NXPH1: variants seen among roughly 807,000 people sequenced by gnomAD.
NXPH1 encodes neurexophilin-1.
Under a neutral mutation model 23.7 loss-of-function variants are expected in NXPH1, and 5 were observed. The ratio of observed to expected loss-of-function variants is 0.21; its 90% CI spans 0.11 to 0.44. The LOEUF (loss-of-function observed/expected upper bound fraction) is 0.44. Ranked by LOEUF, NXPH1 falls within the 20% of genes least tolerant of loss-of-function variation. NXPH1 has a pLI of 0.99. For synonymous variants in NXPH1, 144 were observed against 122.2 expected, an observed-to-expected ratio of 1.18 and a Z score of -1.18; for missense variants, 324 against 321.6, an observed-to-expected ratio of 1.01 and a Z score of -0.06.
intron 2 of NXPH1, among the ~76,000 whole-genome samples, chr7:8,453,280 C>T (rs1021743410): frequency 1.3e-5 from 2 of 152,086 alleles, no homozygotes; most frequent in Non-Finnish European, 2.9e-5. Flanking sequence ...GCGATCTTGC[C>T]TTCTTAGTCA....
chr7:8,607,369 G>A (rs1019687878), intron 2 of NXPH1, among the ~76,000 whole-genome samples: 1 of 152,076 alleles, frequency 6.6e-6, no homozygotes, highest in East Asian at 1.9e-4. Context: ...TTCTTGGATC[G>A]TGTCACTCGA....
intron 2 of NXPH1, among the ~76,000 whole-genome samples, chr7:8,735,349 G>T (rs1348851409): frequency 6.6e-6 from 1 of 152,160 alleles, no homozygotes; most frequent in Non-Finnish European, 1.5e-5. Flanking sequence ...TTTCTAGCAT[G>T]AAGGGTTGAG....
chr7:8,697,066 G>A (rs1274745829), intron 2 of NXPH1, among the ~76,000 whole-genome samples: 2 of 150,056 alleles, frequency 1.3e-5, no homozygotes, highest in African/African-American at 4.9e-5. Flanking sequence ...GCTAAGGCAG[G>A]AGAATCACTT....
chr7:8,540,038 C>G (rs1415418175), intron 2 of NXPH1, among the ~76,000 whole-genome samples: 1 of 151,750 alleles, frequency 6.6e-6, no homozygotes, highest in Non-Finnish European at 1.5e-5. Context: ...TTGTTGTATA[C>G]TTTTTGGAAA....
chr7:8,656,087 T>C (rs1244601970), intron 2 of NXPH1, among the ~76,000 whole-genome samples: 2 of 152,234 alleles, frequency 1.3e-5, no homozygotes, highest in Admixed American at 1.3e-4. Context: ...ATTGAATGAA[T>C]GATCTTCATC....
At position 8,532,714 on chromosome 7, in the gene NXPH1, C is replaced by T. The variant is rs1381682764; in HGVS notation, c.54+96947C>T. ...GATTATGCTGGTGGTGGTCCTCAGACCGTAGCGTCATTTGCGCCCTGGGTG... is the reference window on the plus strand; with the variant it reads ...GATTATGCTGGTGGTGGTCCTCAGATCGTAGCGTCATTTGCGCCCTGGGTG... On this transcript the variant is annotated intron_variant, in intron 2 of 2. Coordinates refer to ENST00000405863, the MANE Select transcript of NXPH1 (RefSeq NM_152745.3). Among the ~76,000 whole-genome samples the T allele has an allele frequency of 2.0e-5, 3 of 152,090 alleles. No homozygotes were observed. In the East Asian group the frequency reaches 5.8e-4, roughly 29 times the overall value.
intron 2 of NXPH1, among the ~76,000 whole-genome samples, chr7:8,744,002 A>G (rs966153662): frequency 5.3e-5 from 8 of 152,234 alleles, no homozygotes; most frequent in African/African-American, 1.7e-4. Flanking sequence ...GCAACTCTTC[A>G]TGTGCTCACA....
At chr7:8,469,841 A>C (rs891149842) in intron 2 of NXPH1, among the ~76,000 whole-genome samples, 3 of 152,140 alleles carry the variant, frequency 2.0e-5, no homozygotes, top group African/African-American at 7.2e-5. Flanking sequence ...ATGTTTGTGA[A>C]ATGTCATTAT....
chr7:8,476,553 T>G (rs1816974903), intron 2 of NXPH1, among the ~76,000 whole-genome samples: 1 of 152,054 alleles, frequency 6.6e-6, no homozygotes, highest in Non-Finnish European at 1.5e-5. Context: ...TCATATTTGG[T>G]GTTCTTTGAT....
chr7:8,476,611 C>G (rs1816977104), intron 2 of NXPH1, among the ~76,000 whole-genome samples: 1 of 151,906 alleles, frequency 6.6e-6, no homozygotes, highest in East Asian at 1.9e-4. Context: ...ACTAACCTTC[C>G]TGATCTGACA....
At chr7:8,436,451 A>C (rs1403813221) in intron 2 of NXPH1, among the ~76,000 whole-genome samples, 6 of 152,102 alleles carry the variant, frequency 3.9e-5, no homozygotes, top group African/African-American at 1.4e-4. Context: ...CCAGGGAGAG[A>C]ATTCTAAACA....
intron 2 of NXPH1, among the ~76,000 whole-genome samples, chr7:8,625,977 T>G (rs929343751): frequency 1.3e-5 from 2 of 152,164 alleles, no homozygotes; most frequent in Non-Finnish European, 2.9e-5. Flanking sequence ...ATAATCTTTT[T>G]GTCTGTGAAT....
At chr7:8,731,445 C>G (rs992482584) in intron 2 of NXPH1, among the ~76,000 whole-genome samples, 2 of 152,172 alleles carry the variant, frequency 1.3e-5, no homozygotes, top group African/African-American at 4.8e-5. Context: ...AGTTTTTCTG[C>G]TCTGTTTTTT....
At chr7:8,483,347 A>T (rs2214692) in intron 2 of NXPH1, among the ~76,000 whole-genome samples, 93,503 of 151,840 alleles carry the variant, frequency 0.62, 31,001 homozygotes, top group African/African-American at 0.87. Context: ...TCTTTTTTTT[A>T]AAAGACAGGG....
chr7:8,528,309 G>T lies in NXPH1; in HGVS notation c.54+92542G>T, dbSNP rs549273175. On this transcript the variant is annotated intron_variant, in intron 2 of 2. Transcript: ENST00000405863. ...CTGCTTGCTGAGGTAATGGCTCTGGGGGGAGCCAGAGTGGGTGGAAGTGCC... is the reference window on the plus strand; with the variant it reads ...CTGCTTGCTGAGGTAATGGCTCTGGTGGGAGCCAGAGTGGGTGGAAGTGCC... Among the ~76,000 whole-genome samples, 36 of 152,370 alleles carry T rather than the reference G, an allele frequency of 2.4e-4. 1 individual carries two copies. In the East Asian group the frequency reaches 6.6e-3, roughly 28 times the overall value.
intron 2 of NXPH1, among the ~76,000 whole-genome samples, chr7:8,480,942 T>C (rs1817063128): frequency 6.6e-6 from 1 of 152,208 alleles, no homozygotes; most frequent in South Asian, 2.1e-4. Context: ...GGTGAGACTC[T>C]TTTTATCTTC....
At chr7:8,732,983 C>T (rs889311779) in intron 2 of NXPH1, among the ~76,000 whole-genome samples, 5 of 151,956 alleles carry the variant, frequency 3.3e-5, no homozygotes, top group Non-Finnish European at 7.4e-5. Context: ...ACCCATCAAC[C>T]CATCATCTAC....
chr7:8,676,719 G>T (rs1286570104), intron 2 of NXPH1, among the ~76,000 whole-genome samples: 2 of 152,058 alleles, frequency 1.3e-5, no homozygotes, highest in African/African-American at 4.8e-5. Flanking sequence ...GCTTAACTGG[G>T]TAAAGAAGTA....
chr7:8,698,181 G>A (rs566283227), intron 2 of NXPH1, among the ~76,000 whole-genome samples: 4 of 152,288 alleles, frequency 2.6e-5, no homozygotes. Flanking sequence ...TCTGTACCAT[G>A]ACAAACATTT....
Sources: gnomAD v4.1 joint callset for allele counts (sites outside exome capture counted in the v4.1 genomes callset) on GRCh38, gnomAD v4.1.1 for gene constraint, MANE v1.5 for transcripts, NCBI Gene and HGNC (gene_info 2026-07-23, HGNC 2026-07-21) for gene names.